Variants in SLC4A4 observed in about 807,000 individuals in gnomAD.
SLC4A4 encodes the protein solute carrier family 4 member 4.
In SLC4A4, 27 loss-of-function variants were observed where a neutral mutation model predicts 111.5. The observed-to-expected ratio is 0.24, with a 90% CI of 0.18 to 0.33. SLC4A4 has a LOEUF of 0.33. SLC4A4 is among the 10% of genes least tolerant of loss of function. The pLI, the probability that SLC4A4 is intolerant of heterozygous loss-of-function variation, is 1.00. For missense variants in SLC4A4, 909 were observed against 1,315.5 expected (o/e 0.69, Z 4.78); for synonymous variants, 443 against 463.4 (o/e 0.96, Z 0.57).
rs7442195 is a variant in SLC4A4, at chr4:71,076,403, A to T, written c.-65+13615A>T. Among the ~76,000 whole-genome samples, 17 of 151,994 alleles carry T rather than the reference A, an allele frequency of 1.1e-4. No homozygotes were observed. In the East Asian group the frequency reaches 2.9e-3, roughly 26 times the overall value. On this transcript the variant is annotated intron_variant, in intron 1 of 26. Transcript: ENST00000649996. ...AAAAAATTAGCTGGCATGGTGGCAC[A>T]TGCCTATAATCCCAGCTACTCAGGA...
chr4:71,313,854 C>T (rs1726421135), intron 3 of SLC4A4, among the ~76,000 whole-genome samples: 1 of 152,132 alleles, frequency 6.6e-6, no homozygotes, highest in East Asian at 1.9e-4. Context: ...AGGACATAGG[C>T]ATGGGCAAAG....
chr4:71,310,365 C>G (rs1726039799), intron 3 of SLC4A4, among the ~76,000 whole-genome samples: 1 of 151,880 alleles, frequency 6.6e-6, no homozygotes, highest in South Asian at 2.1e-4. Flanking sequence ...GAAGAGCAAC[C>G]CCAAGACACA....
chr4:71,354,902 T>C (rs1292957445), intron 5 of SLC4A4, among the ~76,000 whole-genome samples: 1 of 152,186 alleles, frequency 6.6e-6, no homozygotes, highest in African/African-American at 2.4e-5. Flanking sequence ...TGCTATCATC[T>C]AGTGTTGGCA....
At chr4:71,524,508 C>A (rs1733244321) in intron 16 of SLC4A4, among the ~76,000 whole-genome samples, 1 of 152,094 alleles carries the variant, frequency 6.6e-6, no homozygotes, top group Non-Finnish European at 1.5e-5. Flanking sequence ...CTTTGCTCCT[C>A]AAATCTCTTT....
chr4:71,533,835 C>A (rs1734159706), intron 17 of SLC4A4, among the ~76,000 whole-genome samples: 1 of 151,980 alleles, frequency 6.6e-6, no homozygotes, highest in Non-Finnish European at 1.5e-5. Flanking sequence ...TACTGAATTT[C>A]TTGCTATCTT....
At chr4:71,350,739 C>G (rs1729755657) in intron 5 of SLC4A4, among the ~76,000 whole-genome samples, 1 of 152,242 alleles carries the variant, frequency 6.6e-6, no homozygotes, top group East Asian at 1.9e-4. Context: ...AGCCTTTTGT[C>G]TACAGATATA....
intron 7 of SLC4A4, among the ~76,000 whole-genome samples, chr4:71,417,591 T>C (rs769448470): frequency 5.9e-5 from 9 of 152,240 alleles, no homozygotes; most frequent in Non-Finnish European, 1.2e-4. Flanking sequence ...CTTGTTTTTC[T>C]TTAAATCTTT....
At chr4:71,089,123 A>G (rs1410009296) in intron 1 of SLC4A4, among the ~76,000 whole-genome samples, 1 of 151,276 alleles carries the variant, frequency 6.6e-6, no homozygotes, top group Non-Finnish European at 1.5e-5. Flanking sequence ...TTTTTTCTCT[A>G]AACTTCTCAC....
intron 2 of SLC4A4, among the ~76,000 whole-genome samples, chr4:71,145,994 G>T (rs1162886866): frequency 8.6e-5 from 13 of 151,978 alleles, no homozygotes; most frequent in African/African-American, 1.7e-4. Flanking sequence ...TGCTAGCTTT[G>T]GAATGTGTTT....
intron 2 of SLC4A4, among the ~76,000 whole-genome samples, chr4:71,169,523 C>T (rs1341332824): frequency 6.6e-6 from 1 of 152,026 alleles, no homozygotes; most frequent in African/African-American, 2.4e-5. Flanking sequence ...GTATTTAGAT[C>T]TTTTGCCCAT....
chr4:71,215,391 C>T (rs560273968), intron 1 of SLC4A4, among the ~76,000 whole-genome samples: 1 of 152,320 alleles, frequency 6.6e-6, no homozygotes, highest in South Asian at 2.1e-4. Context: ...TAATACTCTA[C>T]TCTCAGTTTC....
chr4:71,259,563 G>A (rs1721698819), intron 3 of SLC4A4, among the ~76,000 whole-genome samples: 1 of 151,986 alleles, frequency 6.6e-6, no homozygotes, highest in African/African-American at 2.4e-5. Flanking sequence ...AGGAGGTGGT[G>A]TGGAGTGGGT....
chr4:71,106,632 A>C (rs1742928534), intron 2 of SLC4A4, among the ~76,000 whole-genome samples: 1 of 146,526 alleles, frequency 6.8e-6, no homozygotes, highest in African/African-American at 2.6e-5. Context: ...AGGGACATGG[A>C]TGAAACTGGA....
intron 14 of SLC4A4, 50 bp from the exon 15 acceptor site, chr4:71,486,898 C>G (rs1237571270): frequency 8.8e-7 from 1 of 1,140,610 alleles, no homozygotes; most frequent in Non-Finnish European, 1.3e-6. Flanking sequence ...CATTTAAGGT[C>G]TTTTTCTATT....
chr4:71,307,393 G>T (rs901119676), intron 3 of SLC4A4, among the ~76,000 whole-genome samples: 2 of 152,156 alleles, frequency 1.3e-5, no homozygotes, highest in Non-Finnish European at 2.9e-5. Flanking sequence ...AGACCTGGTT[G>T]GAAAACACAG....
chr4:71,473,872 G>A (rs903056807), intron 14 of SLC4A4, among the ~76,000 whole-genome samples: 10 of 151,776 alleles, frequency 6.6e-5, no homozygotes, highest in Non-Finnish European at 4.4e-5. Flanking sequence ...ACTGGGTGTG[G>A]TGTCTCATGC....
At chr4:71,167,313 C>T (rs898548023) in intron 2 of SLC4A4, among the ~76,000 whole-genome samples, 1 of 152,168 alleles carries the variant, frequency 6.6e-6, no homozygotes, top group African/African-American at 2.4e-5. Context: ...TATACAGCAG[C>T]TCAAGTCTCC....
intron 18 of SLC4A4, among the ~76,000 whole-genome samples, chr4:71,536,473 T>TAC: frequency 1.1e-5 from 1 of 88,332 alleles, no homozygotes; most frequent in Admixed American, 1.4e-4. Context: ...TACATATATA[T>TAC]ATATATATAT....
At chr4:71,169,135 A>T (rs1744868825) in intron 2 of SLC4A4, among the ~76,000 whole-genome samples, 2 of 151,318 alleles carry the variant, frequency 1.3e-5, no homozygotes, top group Non-Finnish European at 2.9e-5. Context: ...TCAGCCTCCC[A>T]AGTAGCTGGG....
Sources: allele counts gnomAD v4.1 joint callset (sites outside exome capture counted in the v4.1 genomes callset), GRCh38; gene constraint gnomAD v4.1.1; transcripts MANE v1.5; gene names NCBI Gene and HGNC (gene_info 2026-07-23, HGNC 2026-07-21).